ELP4: variants seen among roughly 807,000 people sequenced by gnomAD.
ELP4 encodes elongator acetyltransferase complex subunit 4, also known as elongator complex protein 4.
Under a neutral mutation model 48.9 loss-of-function variants are expected in ELP4, and 51 were observed. The ratio of observed to expected loss-of-function variants is 1.04; its 90% confidence interval spans 0.83 to 1.32. ELP4 has a LOEUF of 1.32. Ranked by LOEUF, ELP4 falls within the 40% of genes most tolerant of loss-of-function variation. The pLI is 0.00. For synonymous variants in ELP4, 210 were observed against 189.2 expected, an observed-to-expected ratio of 1.11 and a Z score of -0.90; for missense variants, 519 against 514.6, an observed-to-expected ratio of 1.01 and a Z score of -0.08.
chr11:31,521,723 A>G (rs1956217043), intron 2 of ELP4, among the ~76,000 whole-genome samples: 1 of 152,172 alleles, frequency 6.6e-6, no homozygotes, highest in Non-Finnish European at 1.5e-5. Flanking sequence ...TTCCAGTCAA[A>G]AAGTTTTGTC....
chr11:31,589,001 T>A (rs977518643), intron 3 of ELP4, among the ~76,000 whole-genome samples: 1 of 151,822 alleles, frequency 6.6e-6, no homozygotes, highest in Non-Finnish European at 1.5e-5. Context: ...TAATAATAAT[T>A]AAAAAACAAA....
chr11:31,658,339 CCTTATAT>C (rs757201559), intron 9 of ELP4, among the ~76,000 whole-genome samples: 19 of 143,824 alleles, frequency 1.3e-4, no homozygotes, highest in Non-Finnish European at 2.6e-4. Flanking sequence ...ACAGCTTCTC[CCTTATAT>C]AACATGATGT....
intron 9 of ELP4, among the ~76,000 whole-genome samples, chr11:31,710,831 A>C (rs1323970884): frequency 6.6e-6 from 1 of 152,172 alleles, no homozygotes; most frequent in East Asian, 1.9e-4. Flanking sequence ...CAAGCATTTA[A>C]ATACTATATC....
intron 9 of ELP4, among the ~76,000 whole-genome samples, chr11:31,712,707 G>C (rs1946767288): frequency 6.6e-6 from 1 of 151,902 alleles, no homozygotes; most frequent in South Asian, 2.1e-4. Context: ...AAATAGCACT[G>C]GATGCTGTCT....
intron 3 of ELP4, among the ~76,000 whole-genome samples, chr11:31,574,965 A>G (rs1219378009): frequency 6.6e-6 from 1 of 152,240 alleles, no homozygotes; most frequent in Non-Finnish European, 1.5e-5. Flanking sequence ...AGAAGGCTTC[A>G]GACAATCGGT....
At chr11:31,704,378 A>G (rs1297747074) in intron 9 of ELP4, among the ~76,000 whole-genome samples, 2 of 152,150 alleles carry the variant, frequency 1.3e-5, no homozygotes, top group Non-Finnish European at 2.9e-5. Context: ...TCAGCAAACT[A>G]TCGCAAGAAC....
At chr11:31,512,493 A>G (rs11031397) in intron 1 of ELP4, 1 of 152,346 alleles carries the variant, frequency 6.6e-6, no homozygotes, top group East Asian at 1.9e-4. Context: ...ATGACCTAAT[A>G]TATAATGTTT....
chr11:31,510,315 A>G, intron 1 of ELP4: 1 of 511,154 alleles, frequency 2.0e-6, no homozygotes, highest in South Asian at 3.6e-5. Flanking sequence ...GAAGACATTA[A>G]TTTATGGAGA....
At chr11:31,689,073 CTATT>C (rs1461996563) in intron 9 of ELP4, 2 of 152,160 alleles carry the variant, frequency 1.3e-5, no homozygotes, top group Non-Finnish European at 2.9e-5. Flanking sequence ...CAGGCATAGA[CTATT>C]TAGTATACTG....
At chr11:31,771,260 A>G (rs1948135859) in intron 9 of ELP4, among the ~76,000 whole-genome samples, 1 of 152,226 alleles carries the variant, frequency 6.6e-6, no homozygotes, top group Admixed American at 6.5e-5. Context: ...TCAGAATCAG[A>G]AGAAAGCAGG....
At chr11:31,707,210 G>A (rs748934819) in intron 9 of ELP4, 10 of 383,180 alleles carry the variant, frequency 2.6e-5, no homozygotes, top group East Asian at 7.4e-5. Flanking sequence ...AGTGTAATAC[G>A]TAATATTTAA....
At chr11:31,515,019 G>GTA (rs1956082380) in intron 1 of ELP4, among the ~76,000 whole-genome samples, 1 of 134,376 alleles carries the variant, frequency 7.4e-6, no homozygotes, top group South Asian at 2.4e-4. Context: ...GTGTGTGTGT[G>GTA]TGTGTGTGTG....
intron 7 of ELP4, chr11:31,633,524 G>A (rs1565088999): frequency 2.0e-5 from 3 of 151,898 alleles, no homozygotes; most frequent in African/African-American, 7.3e-5. Context: ...TTCCTTGAAG[G>A]GCTTTTTATA....
At chr11:31,639,498 G>A (rs978358084) in intron 7 of ELP4, among the ~76,000 whole-genome samples, 12 of 151,668 alleles carry the variant, frequency 7.9e-5, no homozygotes, top group African/African-American at 2.2e-4. Flanking sequence ...GCTGATACCC[G>A]GTTAATTTTT....
chr11:31,768,618 T>A (rs1354817079), intron 9 of ELP4, among the ~76,000 whole-genome samples: 1 of 152,240 alleles, frequency 6.6e-6, no homozygotes, highest in Non-Finnish European at 1.5e-5. Context: ...ATTTTCTTTG[T>A]ATTCACATTC....
Position 31,790,119 on chromosome 11 carries a change from A to AC in ELP4, c.*6595_*6596insC, listed in dbSNP as rs1250594208. The AC allele has an allele frequency of 6.1e-4, 467 of 771,874 alleles. 7 individuals are homozygous for AC. The African/African-American group carries it at 8.0e-3, about 13-fold the overall frequency. The allele number at this position is 771,874 out of a possible 1,614,324, so 47.8% of individuals were successfully genotyped here. A position where few individuals can be genotyped will look rare whatever the true frequency, so the allele number is the denominator to read the frequency against. Reference sequence around the variant, plus strand: ...TTACAAAAAAAAAAAAAAAAAAAAAAACTAATACTTTCTAACATTTTTTAC... The same window carrying AC: ...TTACAAAAAAAAAAAAAAAAAAAAAACACTAATACTTTCTAACATTTTTTAC... On this transcript the variant is annotated 3_prime_UTR_variant, in exon 10 of 10. Transcript: ENST00000640961.
intron 2 of ELP4, among the ~76,000 whole-genome samples, chr11:31,532,930 C>T (rs1350889757): frequency 2.0e-5 from 3 of 151,600 alleles, no homozygotes; most frequent in African/African-American, 7.3e-5. Flanking sequence ...CACCACCACG[C>T]CTGGCTAATT....
chr11:31,553,725 AACACACACACAC>A lies in ELP4; in HGVS notation c.381+13971_381+13982del, dbSNP rs56921821. On this transcript the variant is annotated intron_variant, in intron 3 of 9. Transcript: ENST00000640961. ...TACAATAAATCTCTTTGCACACACA[AACACACACACAC>A]ACACACACACACACACACACACACA... Among the ~76,000 whole-genome samples, 168 of 140,500 alleles carry A rather than the reference AACACACACACAC, an allele frequency of 1.2e-3. 1 individual carries two copies. Among genetic ancestry groups the A allele is most frequent in the Non-Finnish European group, 2.1e-3 (132 of 63,992 alleles). The allele number at this position is 140,500 out of a possible 152,430, so 92.2% of individuals were successfully genotyped here.
At chr11:31,564,626 G>A (rs1417240222) in intron 3 of ELP4, among the ~76,000 whole-genome samples, 1 of 152,126 alleles carries the variant, frequency 6.6e-6, no homozygotes, top group Non-Finnish European at 1.5e-5. Flanking sequence ...AGAAAATGCG[G>A]TGTTTGGCTT....
Sources: gnomAD v4.1 joint callset for allele counts (sites outside exome capture counted in the v4.1 genomes callset) on GRCh38, gnomAD v4.1.1 for gene constraint, MANE v1.5 for transcripts, NCBI Gene and HGNC (gene_info 2026-07-23, HGNC 2026-07-21) for gene names.